TNRC6C: variants seen among roughly 807,000 people sequenced by gnomAD.
TNRC6C encodes trinucleotide repeat containing adaptor 6C.
Under a neutral mutation model 153.7 loss-of-function variants are expected in TNRC6C, and 20 were observed. The ratio of observed to expected loss-of-function variants is 0.13; its 90% CI spans 0.09 to 0.19. The LOEUF (loss-of-function observed/expected upper bound fraction) is 0.19, where lower values mean the gene tolerates loss of function less well. Among genes scored for constraint, TNRC6C ranks in the 10% least tolerant of loss-of-function variants. The pLI is 1.00. For missense variants in TNRC6C, 1,987 were observed against 2,172.0 expected, an observed-to-expected ratio of 0.91 and a Z score of 1.69; for synonymous variants, 811 against 841.4, an observed-to-expected ratio of 0.96 and a Z score of 0.63.
At chr17:78,018,182 A>G (rs1047022562) in intron 1 of TNRC6C, among the ~76,000 whole-genome samples, 1 of 152,020 alleles carries the variant, frequency 6.6e-6, no homozygotes, top group Non-Finnish European at 1.5e-5. Flanking sequence ...GCTGGAGTGC[A>G]GTGGCGCAGT....
exon 18 of TNRC6C, chr17:78,102,507 C>T: frequency 6.2e-7 from 1 of 1,607,718 alleles, no homozygotes; most frequent in Non-Finnish European, 8.5e-7. Flanking sequence ...TCAGGAAGAA[C>T]CAGCAGCTGG....
upstream of TNRC6C, among the ~76,000 whole-genome samples, chr17:77,958,352 C>A (rs1439537876): frequency 6.6e-6 from 1 of 152,042 alleles, no homozygotes; most frequent in African/African-American, 2.4e-5. Flanking sequence ...TCCACGTAAC[C>A]CCCCCGAGCA....
At chr17:78,089,007 G>A (rs771691195) in intron 13 of TNRC6C, among the ~76,000 whole-genome samples, 4 of 117,644 alleles carry the variant, frequency 3.4e-5, no homozygotes, top group Non-Finnish European at 6.6e-5. Flanking sequence ...TTGCTCTGTT[G>A]CCCAGGCTGG....
At chr17:78,067,558 A>G (rs1424556582) in intron 4 of TNRC6C, among the ~76,000 whole-genome samples, 199 bp from the exon 7 acceptor site, 1 of 152,220 alleles carries the variant, frequency 6.6e-6, no homozygotes, top group Non-Finnish European at 1.5e-5. Context: ...TGTTTGAAGG[A>G]AAAATTATAT....
chr17:78,071,533 G>A (rs562322685), intron 6 of TNRC6C, among the ~76,000 whole-genome samples: 37 of 152,158 alleles, frequency 2.4e-4, no homozygotes, highest in Non-Finnish European at 3.2e-4. Flanking sequence ...GACTACAGGC[G>A]TGAGCCACCA....
At chr17:78,085,980 G>A (rs548043858) in intron 11 of TNRC6C, among the ~76,000 whole-genome samples, 2 of 151,724 alleles carry the variant, frequency 1.3e-5, no homozygotes, top group African/African-American at 4.8e-5. Context: ...TTAGTTCTGC[G>A]CACTAAAAAA....
At chr17:77,992,745 A>G (rs976337281) in intron 1 of TNRC6C, among the ~76,000 whole-genome samples, 2 of 152,200 alleles carry the variant, frequency 1.3e-5, no homozygotes, top group African/African-American at 4.8e-5. Context: ...ACCCACTAAA[A>G]TAACTTACTT....
chr17:78,059,478 G>A (rs757241215), intron 3 of TNRC6C, among the ~76,000 whole-genome samples: 3 of 152,308 alleles, frequency 2.0e-5, no homozygotes, highest in Admixed American at 6.5e-5. Flanking sequence ...GGCGTGAGAC[G>A]TGTGAACCCC....
intron 1 of TNRC6C, among the ~76,000 whole-genome samples, chr17:77,970,655 T>TTGTG (rs113276737): frequency 4.6e-5 from 7 of 150,870 alleles, no homozygotes; most frequent in South Asian, 2.1e-4. Flanking sequence ...ACTATGAGAT[T>TTGTG]TGTGTGTGTG....
intron 1 of TNRC6C, among the ~76,000 whole-genome samples, chr17:78,005,289 A>G (rs578094445): frequency 4.1e-4 from 63 of 152,268 alleles, no homozygotes; most frequent in Non-Finnish European, 8.1e-4. Flanking sequence ...AAAATGTCTG[A>G]AGAATGTTAT....
intron 1 of TNRC6C, among the ~76,000 whole-genome samples, chr17:78,010,237 G>T (rs887954830): frequency 7.2e-5 from 11 of 152,158 alleles, no homozygotes; most frequent in African/African-American, 2.7e-4. Context: ...TAGTTTTGCA[G>T]TGAGGTATTA....
intron 1 of TNRC6C, among the ~76,000 whole-genome samples, chr17:77,963,228 C>G (rs2070874526): frequency 6.6e-6 from 1 of 152,082 alleles, no homozygotes; most frequent in African/African-American, 2.4e-5. Flanking sequence ...ACTATATAAC[C>G]TTGTGCAGAA....
chr17:78,093,751 C>T (rs768147139), exon 16 of TNRC6C: 3 of 1,613,762 alleles, frequency 1.9e-6, no homozygotes, highest in Admixed American at 3.3e-5. Flanking sequence ...CCGCTACCTC[C>T]TCAAGAGTGG....
chr17:78,068,003 C>A, intron 5 of TNRC6C, 80 bp downstream of exon 7: 1 of 1,487,166 alleles, frequency 6.7e-7, no homozygotes, highest in South Asian at 1.4e-5. Flanking sequence ...GTTAATCAGA[C>A]AAAAAGATAG....
At chr17:78,037,201 A>G (rs2072196903) in intron 2 of TNRC6C, among the ~76,000 whole-genome samples, 3 of 152,302 alleles carry the variant, frequency 2.0e-5, no homozygotes, top group Non-Finnish European at 4.4e-5. Flanking sequence ...TTCCTATATG[A>G]GAATGTTCAG....
At position 78,087,108 on chromosome 17, in the gene TNRC6C, G is replaced by A. The variant is rs1460378937; in HGVS notation, c.3802+15G>A. 6.2e-7 allele frequency: 1 copy of A among 1,610,642 alleles called. No homozygotes were observed. Among genetic ancestry groups the A allele is most frequent in the Non-Finnish European group, 8.5e-7 (1 of 1,178,734 alleles). On this transcript the variant is annotated intron_variant, in intron 13 of 19. Coordinates refer to ENST00000301624, the Ensembl canonical transcript of TNRC6C. Reference sequence around the variant, plus strand: ...TTACCCTCTCGGTGAGTGTCCCATGGTCTTCAACAGCCACATCAGGTAGAG... The same window carrying A: ...TTACCCTCTCGGTGAGTGTCCCATGATCTTCAACAGCCACATCAGGTAGAG...
At chr17:77,988,272 AGGAG>A (rs1237285508) in intron 1 of TNRC6C, among the ~76,000 whole-genome samples, 1 of 152,112 alleles carries the variant, frequency 6.6e-6, no homozygotes, top group African/African-American at 2.4e-5. Flanking sequence ...CCAGCTACTC[AGGAG>A]GCTGAGGTGG....
intron 1 of TNRC6C, among the ~76,000 whole-genome samples, chr17:77,988,088 A>G (rs914996903): frequency 1.3e-5 from 2 of 151,860 alleles, no homozygotes; most frequent in Non-Finnish European, 2.9e-5. Flanking sequence ...ACAGTGGCTC[A>G]TGCCTGTAAT....
chr17:78,000,165 G>A (rs557648378), upstream of TNRC6C, among the ~76,000 whole-genome samples: 90 of 152,246 alleles, frequency 5.9e-4, no homozygotes, highest in African/African-American at 2.1e-3. Flanking sequence ...TGGCTTACAG[G>A]CTTTGGACCT....
Sources: allele counts gnomAD v4.1 joint callset (sites outside exome capture counted in the v4.1 genomes callset), GRCh38; gene constraint gnomAD v4.1.1; transcripts MANE v1.5; gene names NCBI Gene and HGNC (gene_info 2026-07-23, HGNC 2026-07-21).